NCKAP5: variants seen among roughly 807,000 people sequenced by gnomAD.
NCKAP5 encodes NCK associated protein 5.
In NCKAP5, 92 loss-of-function variants were observed where a neutral mutation model predicts 167.0. The observed-to-expected ratio is 0.55, with a 90% CI of 0.47 to 0.66. The LOEUF (loss-of-function observed/expected upper bound fraction) is 0.66, where lower values mean the gene tolerates loss of function less well. Among genes scored for constraint, NCKAP5 ranks in the 30% least tolerant of loss-of-function variants. The pLI, the probability that NCKAP5 is intolerant of heterozygous loss-of-function variation, is 0.00. For missense variants in NCKAP5, 2,378 were observed against 2,315.0 expected, an observed-to-expected ratio of 1.03 and a Z score of -0.56; for synonymous variants, 891 against 877.4, an observed-to-expected ratio of 1.02 and a Z score of -0.27.
upstream of NCKAP5, among the ~76,000 whole-genome samples, chr2:133,570,138 G>A (rs560333495): frequency 6.6e-6 from 1 of 152,350 alleles, no homozygotes; most frequent in Admixed American, 6.5e-5. Flanking sequence ...GCAAGGTGCA[G>A]CGTAGAAGGT....
At chr2:133,286,628 G>A (rs971537124) in intron 4 of NCKAP5, among the ~76,000 whole-genome samples, 2 of 152,078 alleles carry the variant, frequency 1.3e-5, no homozygotes, top group African/African-American at 4.8e-5. Flanking sequence ...AATGAAAACT[G>A]GACTTGTAAT....
At chr2:132,923,012 CT>C (rs533884824) in intron 8 of NCKAP5, among the ~76,000 whole-genome samples, 15 of 152,038 alleles carry the variant, frequency 9.9e-5, no homozygotes, top group Non-Finnish European at 1.6e-4. Flanking sequence ...TTCAGTCCAC[CT>C]TTTTTTTAGC....
chr2:132,672,407 G>A lies in NCKAP5; in HGVS notation c.*882C>T, dbSNP rs913392962. The A allele has an allele frequency of 1.3e-5, 2 of 152,178 alleles. No homozygotes were observed. Among genetic ancestry groups the A allele is most frequent in the Non-Finnish European group, 1.5e-5 (1 of 68,032 alleles). The allele number at this position is 152,178 out of a possible 1,614,324, so 9.4% of individuals were successfully genotyped here. On this transcript the variant is annotated 3_prime_UTR_variant, in exon 20 of 20. Coordinates refer to ENST00000409261, the MANE Select transcript of NCKAP5 (RefSeq NM_207363.3). ...ACTTCAGGACCCTTTTCATTTTTCA[G>A]CAGAAGCAGAATGACACTTATTACT... is the stretch of plus-strand genomic sequence containing the variant.
chr2:133,567,480 T>C (rs534927461), intron 1 of NCKAP5, among the ~76,000 whole-genome samples: 77 of 152,332 alleles, frequency 5.1e-4, no homozygotes, highest in African/African-American at 1.7e-3. Flanking sequence ...TATACCGATC[T>C]AGCTCAGTGT....
chr2:133,398,004 G>T (rs1346500332), intron 3 of NCKAP5, among the ~76,000 whole-genome samples: 1 of 152,070 alleles, frequency 6.6e-6, no homozygotes, highest in Admixed American at 6.6e-5. Context: ...CTCAGTGTTG[G>T]AGAAAACTGT....
At chr2:132,751,178 C>T (rs1176258620) in intron 16 of NCKAP5, among the ~76,000 whole-genome samples, 1 of 152,010 alleles carries the variant, frequency 6.6e-6, no homozygotes, top group African/African-American at 2.4e-5. Context: ...GTGCCATTCT[C>T]ACAGGAGGGA....
At chr2:132,838,096 A>G (rs1688029129) in intron 11 of NCKAP5, among the ~76,000 whole-genome samples, 1 of 152,056 alleles carries the variant, frequency 6.6e-6, no homozygotes, top group African/African-American at 2.4e-5. Context: ...CACAAGTCAA[A>G]CCCTTTGTTT....
intron 8 of NCKAP5, among the ~76,000 whole-genome samples, chr2:132,909,472 T>C (rs989429512): frequency 6.6e-6 from 1 of 152,250 alleles, no homozygotes; most frequent in Non-Finnish European, 1.5e-5. Context: ...TTTCTTATGC[T>C]AGGGTATTCA....
intron 11 of NCKAP5, among the ~76,000 whole-genome samples, chr2:132,821,878 G>A (rs1270319922): frequency 6.6e-6 from 1 of 152,176 alleles, no homozygotes; most frequent in East Asian, 1.9e-4. Flanking sequence ...CACCCAAGGA[G>A]AGTCTGAGCC....
intron 6 of NCKAP5, among the ~76,000 whole-genome samples, chr2:133,048,736 G>T (rs1451780895): frequency 2.0e-5 from 3 of 152,154 alleles, no homozygotes; most frequent in African/African-American, 7.2e-5. Flanking sequence ...AATAGAAATA[G>T]AATAACGACA....
intron 3 of NCKAP5, among the ~76,000 whole-genome samples, chr2:133,359,485 C>T (rs1684954588): frequency 6.6e-6 from 1 of 152,164 alleles, no homozygotes; most frequent in Non-Finnish European, 1.5e-5. Flanking sequence ...ATTCTCCATA[C>T]TAATGATCAA....
At chr2:132,816,717 T>C (rs2105296482) in intron 11 of NCKAP5, among the ~76,000 whole-genome samples, 1 of 152,322 alleles carries the variant, frequency 6.6e-6, no homozygotes, top group East Asian at 1.9e-4. Context: ...ACACTTGTCC[T>C]GTTACTACCC....
chr2:133,389,656 A>G (rs1339880493), intron 3 of NCKAP5, among the ~76,000 whole-genome samples: 1 of 152,222 alleles, frequency 6.6e-6, no homozygotes, highest in African/African-American at 2.4e-5. Flanking sequence ...CTTGGGCCAC[A>G]GCCAAGTGGA....
intron 5 of NCKAP5, among the ~76,000 whole-genome samples, chr2:133,139,576 T>G (rs543935251): frequency 6.6e-6 from 1 of 152,200 alleles, no homozygotes; most frequent in Non-Finnish European, 1.5e-5. Flanking sequence ...GGTTTTAATT[T>G]GATTCTGAAA....
chr2:132,886,268 T>C (rs1453202147), intron 8 of NCKAP5, among the ~76,000 whole-genome samples: 1 of 152,240 alleles, frequency 6.6e-6, no homozygotes, highest in East Asian at 1.9e-4. Flanking sequence ...TTTACCACAT[T>C]TGCTTATCAT....
At chr2:132,817,984 A>G (rs138070919) in intron 11 of NCKAP5, among the ~76,000 whole-genome samples, 2 of 152,338 alleles carry the variant, frequency 1.3e-5, no homozygotes, top group Admixed American at 1.3e-4. Flanking sequence ...GTCTCACCCC[A>G]TTGCCCAGGC....
intron 4 of NCKAP5, among the ~76,000 whole-genome samples, chr2:133,224,507 C>G (rs914005951): frequency 6.6e-6 from 1 of 152,210 alleles, no homozygotes; most frequent in Non-Finnish European, 1.5e-5. Flanking sequence ...GCATTTTGTA[C>G]ATTTTAGATG....
chr2:133,046,899 T>G (rs1005103478), intron 6 of NCKAP5, among the ~76,000 whole-genome samples: 1 of 152,192 alleles, frequency 6.6e-6, no homozygotes, highest in African/African-American at 2.4e-5. Flanking sequence ...TTGGAGTTAG[T>G]GTATCCAGAC....
intron 6 of NCKAP5, among the ~76,000 whole-genome samples, chr2:132,998,042 A>G (rs1178953737): frequency 1.3e-5 from 2 of 152,152 alleles, no homozygotes; most frequent in Non-Finnish European, 2.9e-5. Flanking sequence ...TCTAAATATT[A>G]GTCTACTTTC....
Sources: gnomAD v4.1 joint callset for allele counts (sites outside exome capture counted in the v4.1 genomes callset) on GRCh38, gnomAD v4.1.1 for gene constraint, MANE v1.5 for transcripts, NCBI Gene and HGNC (gene_info 2026-07-23, HGNC 2026-07-21) for gene names.